RYR2: variants seen among roughly 807,000 people sequenced by gnomAD.
RYR2 encodes the protein ryanodine receptor 2.
Under a neutral mutation model 601.1 loss-of-function variants are expected in RYR2, and 227 were observed. That is an observed-to-expected ratio of 0.38 (90% CI 0.34 to 0.42). The LOEUF is 0.42. RYR2 is among the 10% of genes least tolerant of loss of function. RYR2 has a pLI of 1.00. For synonymous variants in RYR2, 2,223 were observed against 2,175.1 expected, an observed-to-expected ratio of 1.02 and a Z score of -0.61; for missense variants, 4,646 against 6,156.5, an observed-to-expected ratio of 0.75 and a Z score of 8.21.
At chr1:237,467,902 A>G (rs537597368) in intron 16 of RYR2, among the ~76,000 whole-genome samples, 3 of 141,184 alleles carry the variant, frequency 2.1e-5, no homozygotes, top group Non-Finnish European at 4.5e-5. Flanking sequence ...ACTGTCTCTC[A>G]GACTGGAGTG....
Position 237,634,978 on chromosome 1 carries a change from C to A in RYR2, c.6778C>A (p.Pro2260Thr). The A allele has an allele frequency of 1.3e-6, 2 of 1,594,608 alleles. No homozygotes were observed. The highest frequency in any genetic ancestry group is 1.7e-6 in the Non-Finnish European group (2 of 1,169,544). ...NNELALALRE[P>T]DLEKVVRYLA... The stretch of plus-strand genomic sequence containing the variant: ...TGAACTAGCATTAGCTCTGCGTGAG[C>A]CGGATCTAGAAAAGGTGAGCAATGT... Residue 2260 changes from proline (P) to threonine (T), a missense_variant, in exon 44 of 105, where the codon CCG (proline) becomes ACG (threonine). By Grantham distance (38) the Pro-to-Thr change is conservative (BLOSUM62 -1). Around this residue, in one of 17 missense-constraint regions of RYR2, gnomAD observed 137 missense variants for 273.6 expected, o/e 0.50. Transcript: ENST00000366574.
At chr1:237,630,453 A>T (rs967383380) in intron 41 of RYR2, among the ~76,000 whole-genome samples, 3 of 152,156 alleles carry the variant, frequency 2.0e-5, no homozygotes, top group African/African-American at 7.2e-5. Flanking sequence ...GTTCATTAAA[A>T]ATAATAAATG....
intron 2 of RYR2, among the ~76,000 whole-genome samples, chr1:237,312,176 T>A (rs573520872): frequency 1.4e-4 from 21 of 152,226 alleles, no homozygotes; most frequent in African/African-American, 5.1e-4. Flanking sequence ...AGGGTGTTCA[T>A]AAAGAGAAAT....
chr1:237,655,741 A>G (rs748216226), intron 52 of RYR2, 80 bp from the exon 53 acceptor site: 7 of 1,345,526 alleles, frequency 5.2e-6, no homozygotes, highest in South Asian at 1.4e-5. Flanking sequence ...TTCTTCTGCA[A>G]CCTTCTGTCA....
In RYR2 at chr1:237,536,450, C is replaced by G. The variant is rs559835585; in HGVS notation, c.2906+5940C>G. On this transcript the variant is annotated intron_variant, in intron 25 of 104. Transcript: ENST00000366574. ...AGCCGGGTGGCCGGGCGTGGTGGCT[C>G]ACGCCTGTAACCCCAGCACTTTGGG... is the stretch of plus-strand genomic sequence containing the variant. 9.7e-3 allele frequency among the ~76,000 whole-genome samples: 1,419 copies of G among 146,128 alleles called. 8 individuals are homozygous for G. Among genetic ancestry groups the G allele is most frequent in the Non-Finnish European group, 0.012 (834 of 66,768 alleles).
intron 2 of RYR2, among the ~76,000 whole-genome samples, chr1:237,275,092 G>GCA (rs111310759): frequency 0.02 from 2,892 of 144,680 alleles, 76 homozygotes; most frequent in African/African-American, 0.062. Context: ...ACACATACAC[G>GCA]CACACACACA....
chr1:237,072,963 A>AC (rs1273977766), intron 1 of RYR2, among the ~76,000 whole-genome samples: 3 of 150,962 alleles, frequency 2.0e-5, no homozygotes, highest in Admixed American at 6.6e-5. Context: ...AAAAAAAAAA[A>AC]ACAAAAACTC....
chr1:237,163,361 C>G (rs879329349), intron 1 of RYR2, among the ~76,000 whole-genome samples: 1,657 of 142,710 alleles, frequency 0.012, 24 homozygotes, highest in South Asian at 0.028. Flanking sequence ...CCCTACCCCC[C>G]CCACCCCCAC....
chr1:237,805,515 A>G (rs1322997000), intron 98 of RYR2, among the ~76,000 whole-genome samples: 3 of 138,708 alleles, frequency 2.2e-5, no homozygotes, highest in Non-Finnish European at 4.5e-5. Flanking sequence ...TGGGAGGCAG[A>G]GCTTGCAGTG....
intron 1 of RYR2, among the ~76,000 whole-genome samples, chr1:237,190,598 G>A (rs559320429): frequency 3.1e-4 from 47 of 152,038 alleles, no homozygotes; most frequent in African/African-American, 8.9e-4. Context: ...TACAAATAAC[G>A]ACACAACAAT....
chr1:237,470,951 A>G (rs370801339), intron 17 of RYR2, among the ~76,000 whole-genome samples: 1 of 152,260 alleles, frequency 6.6e-6, no homozygotes, highest in African/African-American at 2.4e-5. Context: ...CGATTGAGAA[A>G]TCTGGCCTGC....
chr1:237,072,243 AC>A, intron 1 of RYR2, among the ~76,000 whole-genome samples: 1 of 152,186 alleles, frequency 6.6e-6, no homozygotes, highest in South Asian at 2.1e-4. Context: ...TGGCATCCCC[AC>A]AGTGGCTGCT....
At chr1:237,307,054 C>A (rs1038815196) in intron 2 of RYR2, among the ~76,000 whole-genome samples, 3 of 152,182 alleles carry the variant, frequency 2.0e-5, no homozygotes, top group African/African-American at 7.2e-5. Flanking sequence ...CTTATTTTCT[C>A]CATTATATGT....
rs375122829 is a variant in RYR2, at chr1:237,456,743, G to A, written c.1612+8G>A. On this transcript the variant is annotated splice_region_variant and intron_variant, in intron 16 of 104. Coordinates refer to ENST00000366574, the MANE Select transcript of RYR2 (RefSeq NM_001035.3). ...CTCTGTATGAGTTGCTGGGTAAGAA[G>A]CATGATTGGGTTCATAGCAACAGAG... 7.4e-6 allele frequency: 12 copies of A among 1,613,192 alleles called. No individual in the cohort carries two copies. The African/African-American group carries it at 1.3e-4, about 18-fold the overall frequency.
At chr1:237,556,641 C>T (rs1451372012) in intron 27 of RYR2, among the ~76,000 whole-genome samples, 3 of 151,634 alleles carry the variant, frequency 2.0e-5, no homozygotes, top group Non-Finnish European at 4.4e-5. Context: ...AGATATGGAA[C>T]ACCTACTGTG....
At chr1:237,564,407 T>C (rs1156733697) in intron 27 of RYR2, among the ~76,000 whole-genome samples, 1 of 152,100 alleles carries the variant, frequency 6.6e-6, no homozygotes, top group Non-Finnish European at 1.5e-5. Flanking sequence ...GTAGCTGGGA[T>C]TACAGGCATA....
intron 8 of RYR2, among the ~76,000 whole-genome samples, chr1:237,378,317 G>A (rs1239129840): frequency 6.6e-6 from 1 of 152,140 alleles, no homozygotes; most frequent in Non-Finnish European, 1.5e-5. Context: ...TTGAACTTTT[G>A]TGGTAAGGTC....
At chr1:237,750,015 G>A (rs773857517) in intron 80 of RYR2, among the ~76,000 whole-genome samples, 54 of 151,882 alleles carry the variant, frequency 3.6e-4, no homozygotes, top group Non-Finnish European at 2.9e-4. Context: ...GCATGGTGGC[G>A]GGCGCCTGTA....
chr1:237,631,593 T>C lies in RYR2; in HGVS notation c.6555+52T>C, dbSNP rs972609365. 3 of 827,726 alleles carry C rather than the reference T, an allele frequency of 3.6e-6. No individual in the cohort carries two copies. In the African/African-American group the frequency reaches 5.8e-5, roughly 16 times the overall value. The allele number at this position is 827,726 out of a possible 1,614,324, so 51.3% of individuals were successfully genotyped here. ...ATTTAGTATCATCTCCTGGAGTATA[T>C]AGATTGATATAGAATGCAGATTTTT... On this transcript the variant is annotated intron_variant, in intron 42 of 104. Transcript: ENST00000366574.
Sources: allele counts gnomAD v4.1 joint callset (sites outside exome capture counted in the v4.1 genomes callset), GRCh38; gene constraint gnomAD v4.1.1; regional missense constraint gnomAD v4.1.1; transcripts MANE v1.5; gene names NCBI Gene and HGNC (gene_info 2026-07-23, HGNC 2026-07-21).